The following PHF14 variants were observed in gnomAD, a reference collection of about 807,000 sequenced individuals.
PHF14 encodes the protein PHD finger protein 14.
Under a neutral mutation model 117.9 loss-of-function variants are expected in PHF14, and 55 were observed. The ratio of observed to expected loss-of-function variants is 0.47; its 90% CI spans 0.38 to 0.58. PHF14 has a LOEUF of 0.58. PHF14 is among the 20% of genes least tolerant of loss of function. The probability of loss-of-function intolerance (pLI) is 0.00; values close to 1 mark genes in which losing one functional copy is unlikely to be tolerated. For missense variants in PHF14, 978 were observed against 1,122.2 expected, an observed-to-expected ratio of 0.87 and a Z score of 1.84; for synonymous variants, 409 against 368.6, an observed-to-expected ratio of 1.11 and a Z score of -1.26.
At chr7:11,142,971 CTTG>C (rs1478388804) in intron 17 of PHF14, among the ~76,000 whole-genome samples, 2 of 152,122 alleles carry the variant, frequency 1.3e-5, no homozygotes, top group African/African-American at 4.8e-5. Flanking sequence ...CTGCTTATAT[CTTG>C]TTGTACAGTG....
At chr7:10,994,285 A>G (rs796610102) in intron 4 of PHF14, among the ~76,000 whole-genome samples, 6 of 152,104 alleles carry the variant, frequency 3.9e-5, no homozygotes, top group African/African-American at 1.2e-4. Flanking sequence ...TAAAAATACA[A>G]AAAATTAGCT....
chr7:10,980,215 G>A (rs958214495), intron 2 of PHF14, among the ~76,000 whole-genome samples: 2 of 152,008 alleles, frequency 1.3e-5, no homozygotes, highest in Non-Finnish European at 2.9e-5. Context: ...TGCGTCTATC[G>A]TGAAGTTTTG....
chr7:11,151,070 GACAA>G lies in PHF14; in HGVS notation c.2773-18344_2773-18341del, dbSNP rs369035176. On this transcript the variant is annotated intron_variant, in intron 17 of 17. Transcript: ENST00000634607. ...ATAAGAAAAGCAAAATAGAATCTTA[GACAA>G]AAAAACCTGTCATAATGCAATGGTG... 6.3e-3 allele frequency among the ~76,000 whole-genome samples: 958 copies of G among 152,014 alleles called. 6 individuals are homozygous for G. The highest frequency in any genetic ancestry group is 0.022 in the African/African-American group (917 of 41,478).
chr7:11,000,417 G>A (rs576888331), intron 4 of PHF14, among the ~76,000 whole-genome samples: 3 of 135,668 alleles, frequency 2.2e-5, no homozygotes, highest in Admixed American at 8.6e-5. Flanking sequence ...TTGGCTCACT[G>A]CAACCTCTGT....
intron 17 of PHF14, among the ~76,000 whole-genome samples, chr7:11,136,377 T>G (rs2128349823): frequency 6.6e-6 from 1 of 152,336 alleles, no homozygotes; most frequent in Middle Eastern, 3.4e-3. Flanking sequence ...TGGCTGTTTT[T>G]ATCTCTTTAT....
chr7:11,003,382 C>G (rs1782950847), intron 4 of PHF14, among the ~76,000 whole-genome samples: 1 of 152,166 alleles, frequency 6.6e-6, no homozygotes, highest in Non-Finnish European at 1.5e-5. Flanking sequence ...TCCTCTTGTT[C>G]CACAAATATA....
chr7:11,122,331 T>TTATATATATATATATATATA (rs146463909), intron 17 of PHF14, among the ~76,000 whole-genome samples: 91 of 83,954 alleles, frequency 1.1e-3, no homozygotes, highest in South Asian at 1.6e-3. Flanking sequence ...TTTGTACTTT[T>TTATATATATATATATATATA]TATATATATA....
chr7:10,985,638 GTT>G lies in PHF14; in HGVS notation c.900+2509_900+2510del, dbSNP rs61250143. Among the ~76,000 whole-genome samples the G allele has an allele frequency of 4.7e-3, 215 of 45,888 alleles. 2 individuals carry two copies. Among genetic ancestry groups the G allele is most frequent in the South Asian group, 0.015 (14 of 912 alleles). The allele number at this position is 45,888 out of a possible 152,430, so 30.1% of individuals were successfully genotyped here. ...ACTCTCTAGCAGTGATTCTCAAACT[GTT>G]TTTTTTTTTTTTTTTTTTTTTTTTT... On this transcript the variant is annotated intron_variant, in intron 3 of 17. Transcript: ENST00000634607.
intron 4 of PHF14, among the ~76,000 whole-genome samples, chr7:10,994,008 C>G (rs1048896454): frequency 1.2e-5 from 1 of 81,992 alleles, no homozygotes; most frequent in African/African-American, 4.1e-5. Context: ...GACTCTGTCT[C>G]AAAAAAAAAA....
At chr7:11,086,608 C>T (rs1292551618) in intron 16 of PHF14, among the ~76,000 whole-genome samples, 1 of 152,006 alleles carries the variant, frequency 6.6e-6, no homozygotes, top group Non-Finnish European at 1.5e-5. Context: ...ACATAGTATG[C>T]CCCCAGTACA....
chr7:11,051,152 C>A (rs189190465), intron 13 of PHF14, among the ~76,000 whole-genome samples: 2 of 152,208 alleles, frequency 1.3e-5, no homozygotes, highest in East Asian at 3.9e-4. Context: ...GTGACTCTTT[C>A]ACTTCAGCTT....
Position 10,983,027 on chromosome 7 carries a change from TGAA to T in PHF14, c.771_773del (p.Glu257del), listed in dbSNP as rs530376520. 5 of 1,588,742 alleles carry T rather than the reference TGAA, an allele frequency of 3.1e-6. No homozygotes were observed. In the South Asian group the frequency reaches 4.5e-5, roughly 14 times the overall value. ...AAGACGAGAATGATGAAGGCAATGA[TGAA>T]GATCATAGTAGCCCTGCCAGTGAAG... On this transcript the variant is annotated inframe_deletion, in exon 3 of 18. Transcript: ENST00000634607.
At chr7:11,090,665 A>G (rs922483642) in intron 16 of PHF14, among the ~76,000 whole-genome samples, 1 of 152,174 alleles carries the variant, frequency 6.6e-6, no homozygotes, top group African/African-American at 2.4e-5. Context: ...TTTAAAAATA[A>G]GATTCCTGTG....
At chr7:11,121,968 G>A (rs1056848189) in intron 17 of PHF14, among the ~76,000 whole-genome samples, 9 of 151,738 alleles carry the variant, frequency 5.9e-5, no homozygotes, top group African/African-American at 2.2e-4. Context: ...GACGTTTTAA[G>A]CCCTGCATGC....
rs1380539113 is a variant in PHF14 at position 10,982,610 on chromosome 7, A to G, written c.351A>G (p.Lys117=). 6.6e-7 allele frequency: 1 copy of G among 1,522,308 alleles called. No individual in the cohort carries two copies. The highest frequency in any genetic ancestry group is 1.4e-5 in the African/African-American group (1 of 71,976). 94.3% of individuals were successfully genotyped at this position (1,522,308 alleles called of 1,614,324 possible). A position where few individuals can be genotyped will look rare whatever the true frequency, so the allele number is the denominator to read the frequency against. ...NGERPRKKKE[K]EKEKEKEKEK... ...AAAGACCTAGAAAGAAAAAGGAGAA[A>G]GAGAAGGAAAAAGAAAAGGAAAAGG... Residue 117 remains lysine, a synonymous_variant, in exon 3 of 18, where the codon AAA becomes AAG. Coordinates refer to ENST00000634607, the MANE Select transcript of PHF14 (RefSeq NM_001007157.2).
At chr7:11,138,231 C>T (rs1207985869) in intron 17 of PHF14, among the ~76,000 whole-genome samples, 3 of 151,892 alleles carry the variant, frequency 2.0e-5, no homozygotes, top group South Asian at 4.1e-4. Context: ...TTAGTAGAGG[C>T]AGGGTTTCAC....
intron 4 of PHF14, among the ~76,000 whole-genome samples, chr7:10,995,543 C>T (rs1053303510): frequency 9.9e-5 from 15 of 152,238 alleles, no homozygotes; most frequent in South Asian, 4.1e-4. Flanking sequence ...AGTCCCATGC[C>T]GTGTGCCCGC....
At chr7:10,976,318 A>G (rs1471235291) in intron 2 of PHF14, among the ~76,000 whole-genome samples, 1 of 152,162 alleles carries the variant, frequency 6.6e-6, no homozygotes, top group Non-Finnish European at 1.5e-5. Flanking sequence ...GGTATTTCCA[A>G]AGAAGGGAAG....
intron 5 of PHF14, among the ~76,000 whole-genome samples, chr7:11,018,715 A>G (rs1583373071): frequency 6.6e-6 from 1 of 152,098 alleles, no homozygotes; most frequent in African/African-American, 2.4e-5. Flanking sequence ...TTTCTTTCCA[A>G]TTTGGATGCC....
Sources: gnomAD v4.1 joint callset for allele counts (sites outside exome capture counted in the v4.1 genomes callset) on GRCh38, gnomAD v4.1.1 for gene constraint, MANE v1.5 for transcripts, NCBI Gene and HGNC (gene_info 2026-07-23, HGNC 2026-07-21) for gene names.